Variants in GOLM2 observed in about 807,000 individuals in gnomAD.
GOLM2 encodes the protein protein GOLM2.
A neutral mutation model predicts 55.9 loss-of-function variants in GOLM2; 26 were observed. The observed-to-expected ratio is 0.47, with a 90% CI of 0.34 to 0.65. The LOEUF (loss-of-function observed/expected upper bound fraction) is 0.65, where lower values mean the gene tolerates loss of function less well. Among genes scored for constraint, GOLM2 ranks in the 30% least tolerant of loss-of-function variants. The probability of loss-of-function intolerance (pLI) is 0.01; values close to 1 mark genes in which losing one functional copy is unlikely to be tolerated. For synonymous variants in GOLM2, 165 were observed against 194.6 expected (o/e 0.85, Z 1.27); for missense variants, 486 against 531.8 (o/e 0.91, Z 0.85).
intron 1 of GOLM2, among the ~76,000 whole-genome samples, chr15:44,319,820 C>T (rs2078936969): frequency 6.6e-6 from 1 of 151,524 alleles, no homozygotes; most frequent in Non-Finnish European, 1.5e-5. Flanking sequence ...AACTCCTGGC[C>T]TCAGGTGATC....
chr15:44,376,973 A>G (rs1439689694), intron 6 of GOLM2, among the ~76,000 whole-genome samples: 1 of 152,228 alleles, frequency 6.6e-6, no homozygotes, highest in African/African-American at 2.4e-5. Flanking sequence ...AAAAGGCAAA[A>G]TAAAAGCATA....
chr15:44,341,760 G>A (rs965590427), intron 6 of GOLM2, among the ~76,000 whole-genome samples: 7 of 146,630 alleles, frequency 4.8e-5, no homozygotes, highest in African/African-American at 1.8e-4. Context: ...GCAGTCGTGC[G>A]ATCTTGGCTC....
intron 1 of GOLM2, among the ~76,000 whole-genome samples, chr15:44,291,954 A>G (rs1218022514): frequency 2.0e-5 from 3 of 152,178 alleles, no homozygotes; most frequent in Admixed American, 2.0e-4. Flanking sequence ...AAAGAAGGCT[A>G]TTCAATTTTG....
intron 6 of GOLM2, among the ~76,000 whole-genome samples, chr15:44,348,076 T>C (rs1361352366): frequency 6.6e-6 from 1 of 151,258 alleles, no homozygotes; most frequent in African/African-American, 2.4e-5. Context: ...GGAGATGCCA[T>C]GGCCTTGAGT....
At chr15:44,305,489 G>A (rs984061562) in intron 1 of GOLM2, among the ~76,000 whole-genome samples, 1 of 152,022 alleles carries the variant, frequency 6.6e-6, no homozygotes. Context: ...AGTAGAGACA[G>A]GGTCTCCCCA....
chr15:44,399,110 A>C (rs1480747521), intron 8 of GOLM2, among the ~76,000 whole-genome samples: 2 of 152,090 alleles, frequency 1.3e-5, no homozygotes, highest in Non-Finnish European at 2.9e-5. Context: ...TCCCTGTCAT[A>C]GTCTAATATA....
chr15:44,356,712 C>A (rs1041857669), intron 6 of GOLM2, among the ~76,000 whole-genome samples: 15 of 152,190 alleles, frequency 9.9e-5, no homozygotes, highest in African/African-American at 3.4e-4. Flanking sequence ...CTAATTCATT[C>A]TATGATGCCA....
chr15:44,407,528 G>A (rs1476709339), intron 9 of GOLM2, among the ~76,000 whole-genome samples: 9 of 151,504 alleles, frequency 5.9e-5, no homozygotes, highest in African/African-American at 1.9e-4. Flanking sequence ...AGGCCACCTC[G>A]GTCTCCCAAA....
chr15:44,318,663 T>G (rs1038916444), intron 1 of GOLM2, among the ~76,000 whole-genome samples: 2 of 149,574 alleles, frequency 1.3e-5, no homozygotes, highest in African/African-American at 5.0e-5. Context: ...GAGCAGAGAT[T>G]GGGTCGCTGC....
intron 1 of GOLM2, among the ~76,000 whole-genome samples, chr15:44,305,497 C>G (rs564935180): frequency 2.6e-5 from 4 of 152,104 alleles, no homozygotes; most frequent in East Asian, 3.9e-4. Context: ...CAGGGTCTCC[C>G]CATGTTGCCC....
intron 1 of GOLM2, among the ~76,000 whole-genome samples, chr15:44,297,865 G>A (rs1425030632): frequency 7.4e-6 from 1 of 136,014 alleles, no homozygotes; most frequent in East Asian, 2.2e-4. Context: ...ACCGCACCTG[G>A]CCTTTTTTTT....
At chr15:44,331,769 G>A (rs1159640390) in intron 3 of GOLM2, among the ~76,000 whole-genome samples, 2 of 151,976 alleles carry the variant, frequency 1.3e-5, no homozygotes, top group African/African-American at 2.4e-5. Context: ...TGTAATTTCT[G>A]TTTTCTCAAT....
At chr15:44,338,888 G>T (rs2079074200) in intron 6 of GOLM2, among the ~76,000 whole-genome samples, 2 of 152,066 alleles carry the variant, frequency 1.3e-5, no homozygotes, top group South Asian at 4.2e-4. Context: ...TTGAAGGCCT[G>T]CTCCCACTTG....
At chr15:44,297,971 G>A (rs528313556) in intron 1 of GOLM2, among the ~76,000 whole-genome samples, 3 of 136,786 alleles carry the variant, frequency 2.2e-5, no homozygotes, top group African/African-American at 2.8e-5. Flanking sequence ...GGGTTTAAGC[G>A]ACTCTCCTGC....
chr15:44,302,964 G>T (rs1038267285), intron 1 of GOLM2, among the ~76,000 whole-genome samples: 4 of 152,098 alleles, frequency 2.6e-5, no homozygotes, highest in Non-Finnish European at 4.4e-5. Flanking sequence ...TTAGCCGGGC[G>T]TAGTGGCGGA....
chr15:44,408,073 G>A (rs1429942333), intron 9 of GOLM2, among the ~76,000 whole-genome samples: 1 of 152,112 alleles, frequency 6.6e-6, no homozygotes, highest in Non-Finnish European at 1.5e-5. Context: ...TTTAATGGAG[G>A]TGGCCTTTCT....
At chr15:44,353,271 C>G (rs1265491749) in intron 6 of GOLM2, among the ~76,000 whole-genome samples, 1 of 152,160 alleles carries the variant, frequency 6.6e-6, no homozygotes, top group Non-Finnish European at 1.5e-5. Context: ...AAAGCGAACC[C>G]TCATACACCA....
At chr15:44,310,456 A>AC (rs2078866222) in intron 1 of GOLM2, among the ~76,000 whole-genome samples, 1 of 124,392 alleles carries the variant, frequency 8.0e-6, no homozygotes, top group Non-Finnish European at 1.6e-5. Context: ...CTCTCTCTCT[A>AC]TATATATATA....
In GOLM2 at chr15:44,289,469, A is replaced by G; in HGVS notation, c.327+113A>G. The G allele has an allele frequency of 2.0e-6, 2 of 994,220 alleles. No individual in the cohort carries two copies. The highest frequency in any genetic ancestry group is 2.9e-6 in the Non-Finnish European group (2 of 688,280). 61.6% of individuals were successfully genotyped at this position (994,220 alleles called of 1,614,324 possible). A position where few individuals can be genotyped will look rare whatever the true frequency, so the allele number is the denominator to read the frequency against. The stretch of plus-strand genomic sequence containing the variant: ...TATGCCTTCCAGTATTTCAGTCCTG[A>G]AGGCTCCTTTCACCCCCAACAACCC... On this transcript the variant is annotated intron_variant, in intron 1 of 9. Coordinates refer to ENST00000299957, the MANE Select transcript of GOLM2 (RefSeq NM_138423.4). The surrounding 1 kb of genome is among the most constrained non-coding windows in gnomAD (Gnocchi z 4.8).
Sources: gnomAD v4.1 joint callset for allele counts (sites outside exome capture counted in the v4.1 genomes callset) on GRCh38, gnomAD v4.1.1 for gene constraint, Gnocchi (gnomAD v3.1) non-coding constraint, MANE v1.5 for transcripts, NCBI Gene and HGNC (gene_info 2026-07-23, HGNC 2026-07-21) for gene names.